PC: variants seen among roughly 807,000 people sequenced by gnomAD.
PC encodes pyruvate carboxylase, also known as pyruvate carboxylase, mitochondrial.
Under a neutral mutation model 107.8 loss-of-function variants are expected in PC, and 46 were observed. That is an observed-to-expected ratio of 0.43 (90% CI 0.34 to 0.55). The LOEUF is 0.55. PC is among the 20% of genes least tolerant of loss of function. PC has a pLI of 0.04. For missense variants in PC, 1,241 were observed against 1,643.1 expected, an observed-to-expected ratio of 0.76 and a Z score of 4.23; for synonymous variants, 662 against 684.7, an observed-to-expected ratio of 0.97 and a Z score of 0.52.
intron 3 of PC, among the ~76,000 whole-genome samples, chr11:66,888,846 C>T (rs993276978): frequency 6.6e-5 from 10 of 152,058 alleles, no homozygotes; most frequent in South Asian, 2.1e-4. Flanking sequence ...GAGGCCCAGG[C>T]GGGCAAATCA....
intron 1 of PC, among the ~76,000 whole-genome samples, chr11:66,956,553 C>T (rs1391492265): frequency 6.6e-6 from 1 of 152,168 alleles, no homozygotes; most frequent in Non-Finnish European, 1.5e-5. Context: ...CCGCTGCACT[C>T]CAGCCTGGGC....
At chr11:66,899,950 G>A (rs1437523653) in intron 3 of PC, among the ~76,000 whole-genome samples, 1 of 152,120 alleles carries the variant, frequency 6.6e-6, no homozygotes, top group African/African-American at 2.4e-5. Flanking sequence ...GTTCATTCCT[G>A]TGCATGCAGA....
intron 3 of PC, among the ~76,000 whole-genome samples, chr11:66,899,620 G>C (rs1171648561): frequency 1.3e-5 from 2 of 152,162 alleles, no homozygotes; most frequent in Non-Finnish European, 2.9e-5. Context: ...TCCCATGTGA[G>C]CCACCGTACC....
intron 16 of PC, 127 bp from the exon 17 acceptor site, chr11:66,851,407 G>T: frequency 7.1e-7 from 1 of 1,406,242 alleles, no homozygotes; most frequent in Non-Finnish European, 9.7e-7. Context: ...CCTGGCAGGG[G>T]GTGTGGCATC....
At chr11:66,940,650 T>C (rs780604906) in intron 3 of PC, among the ~76,000 whole-genome samples, 1 of 151,922 alleles carries the variant, frequency 6.6e-6, no homozygotes, top group Non-Finnish European at 1.5e-5. Flanking sequence ...ACTGTGCCAC[T>C]GTACTCCAGC....
chr11:66,924,991 C>A (rs1447325360), intron 3 of PC, among the ~76,000 whole-genome samples: 1 of 152,030 alleles, frequency 6.6e-6, no homozygotes, highest in African/African-American at 2.4e-5. Context: ...CCGTGATGCC[C>A]CCCAGCCATA....
intron 3 of PC, chr11:66,934,367 G>C (rs937757012): frequency 2.6e-5 from 4 of 153,124 alleles, no homozygotes; most frequent in Admixed American, 1.3e-4. Context: ...CAGAATGAAC[G>C]TGTGTTATTT....
At chr11:66,955,519 C>T (rs569626317) in intron 1 of PC, among the ~76,000 whole-genome samples, 9 of 152,222 alleles carry the variant, frequency 5.9e-5, no homozygotes, top group African/African-American at 1.2e-4. Context: ...AGACAGAAGG[C>T]GTTATGACAC....
intron 12 of PC, among the ~76,000 whole-genome samples, chr11:66,862,119 C>T (rs1047021701): frequency 2.6e-5 from 4 of 152,074 alleles, no homozygotes; most frequent in Admixed American, 6.5e-5. Context: ...CCGAAGCAGC[C>T]GCAGGACATC....
chr11:66,955,770 C>CT (rs1163284425), intron 1 of PC, among the ~76,000 whole-genome samples: 29 of 141,800 alleles, frequency 2.0e-4, no homozygotes, highest in South Asian at 4.4e-4. Flanking sequence ...GCCTTTTGGG[C>CT]TTTTTTTTTT....
At chr11:66,853,202 G>A in intron 13 of PC, 37 bp downstream of exon 13, 8 of 1,607,598 alleles carry the variant, frequency 5.0e-6, no homozygotes, top group Non-Finnish European at 6.8e-6. Flanking sequence ...AGAGCGGAGG[G>A]GAGGGGAGGG....
Position 66,895,966 on chromosome 11 carries a change from A to G in PC, c.1-23807T>C, listed in dbSNP as rs182829000. Among the ~76,000 whole-genome samples, 31 of 152,364 alleles carry G rather than the reference A, an allele frequency of 2.0e-4. 1 individual carries two copies. The highest frequency in any genetic ancestry group is 1.8e-3 in the Admixed American group (28 of 15,302). ...AAAGGAGGGTAAAAAGAAAAAAAAG[A>G]CAAAAGTATCAGAAATCAGAAAGGT... On this transcript the variant is annotated intron_variant, in intron 3 of 22. Transcript: ENST00000393960.
chr11:66,848,937 T>C lies in PC; in HGVS notation c.3499A>G (p.Thr1167Ala). ...VRKVHVTKDM[T>A]LEGDDLILEI... Reference sequence around the variant, plus strand: ...AGGATGAGGTCGTCACCTTCCAGTGTCATGTCCTTGGTCACATGAACCTTG... The same window carrying C: ...AGGATGAGGTCGTCACCTTCCAGTGCCATGTCCTTGGTCACATGAACCTTG... The change falls in exon 23 of 23, where the codon ACA becomes GCA. Residue 1167 changes from threonine (T) to alanine (A), a missense_variant. Physicochemically the swap from Thr to Ala is moderately conservative, Grantham distance 58. Coordinates refer to ENST00000393960, the MANE Select transcript of PC (RefSeq NM_001040716.2). 1 of 1,614,012 alleles carries C rather than the reference T, an allele frequency of 6.2e-7. No homozygotes were observed. Among genetic ancestry groups the C allele is most frequent in the Non-Finnish European group, 8.5e-7 (1 of 1,180,032 alleles).
intron 3 of PC, among the ~76,000 whole-genome samples, chr11:66,873,284 G>A (rs1946812173): frequency 7.1e-6 from 1 of 141,830 alleles, no homozygotes; most frequent in South Asian, 2.1e-4. Flanking sequence ...AGGTTGCAGT[G>A]AGCTGAGATG....
intron 3 of PC, among the ~76,000 whole-genome samples, chr11:66,924,174 C>T (rs1332643806): frequency 6.7e-6 from 1 of 148,258 alleles, no homozygotes; most frequent in Non-Finnish European, 1.5e-5. Flanking sequence ...TGTACTCTAG[C>T]CTGGGCGACA....
chr11:66,950,246 T>TC (rs1248748175), intron 3 of PC, among the ~76,000 whole-genome samples: 1 of 151,918 alleles, frequency 6.6e-6, no homozygotes, highest in East Asian at 1.9e-4. Flanking sequence ...CATGGCCAGG[T>TC]CGTGGAATTT....
chr11:66,900,293 G>C (rs1359222013), intron 3 of PC, among the ~76,000 whole-genome samples: 2 of 145,620 alleles, frequency 1.4e-5, no homozygotes, highest in Non-Finnish European at 3.0e-5. Context: ...TCATTCTCCA[G>C]CCTCCCAACT....
chr11:66,932,496 C>G (rs1948883900), intron 3 of PC, among the ~76,000 whole-genome samples: 1 of 152,094 alleles, frequency 6.6e-6, no homozygotes, highest in Admixed American at 6.5e-5. Flanking sequence ...ATGACTAAAC[C>G]CTTGGGCTTA....
chr11:66,857,706 T>G lies in PC; in HGVS notation c.1369-4323A>C, dbSNP rs968762469. ...AGTGGGCACCTGCGCCAGCCCCACC[T>G]GTGCCTGGGCTGTGGCCCCTTCCTA... On this transcript the variant is annotated intron_variant, in intron 12 of 22. Transcript: ENST00000393960. This position sits in a 1 kb window ranked among gnomAD's most constrained non-coding sequence, Gnocchi z 7.1. 1 of 1,557,632 alleles carries G rather than the reference T, an allele frequency of 6.4e-7. No individual in the cohort carries two copies. The highest frequency in any genetic ancestry group is 2.3e-5 in the East Asian group (1 of 44,142).
Sources: allele counts gnomAD v4.1 joint callset (sites outside exome capture counted in the v4.1 genomes callset), GRCh38; gene constraint gnomAD v4.1.1; non-coding constraint Gnocchi (gnomAD v3.1); transcripts MANE v1.5; gene names NCBI Gene and HGNC (gene_info 2026-07-23, HGNC 2026-07-21).